The following CACHD1 variants were observed in gnomAD, a reference collection of about 807,000 sequenced individuals.
CACHD1 encodes VWFA and cache domain-containing protein 1.
A neutral mutation model predicts 138.7 loss-of-function variants in CACHD1; 71 were observed. The observed-to-expected ratio is 0.51, with a 90% CI of 0.42 to 0.62. The LOEUF is 0.62. Among genes scored for constraint, CACHD1 ranks in the 20% least tolerant of loss-of-function variants. The pLI is 0.00. For synonymous variants in CACHD1, 578 were observed against 591.5 expected (o/e 0.98, Z 0.33); for missense variants, 1,389 against 1,625.3 (o/e 0.85, Z 2.50).
intron 16 of CACHD1, 58 bp downstream of exon 16, chr1:64,666,225 A>G: frequency 8.5e-7 from 1 of 1,174,114 alleles, no homozygotes; most frequent in Non-Finnish European, 1.2e-6. Context: ...TATTTTGGAA[A>G]TCTGAATAGA....
At chr1:64,579,898 T>A (rs554943377) in intron 2 of CACHD1, 2 of 136,104 alleles carry the variant, frequency 1.5e-5, no homozygotes, top group Non-Finnish European at 3.2e-5. Flanking sequence ...GTGCTTGTAG[T>A]CTCATGAGAT....
intron 8 of CACHD1, among the ~76,000 whole-genome samples, chr1:64,643,173 C>T (rs1394160108): frequency 6.6e-6 from 1 of 150,614 alleles, no homozygotes; most frequent in Non-Finnish European, 1.5e-5. Flanking sequence ...GACAGTGGGC[C>T]TCATATTCTG....
At chr1:64,600,172 A>G (rs1032875389) in intron 3 of CACHD1, among the ~76,000 whole-genome samples, 3 of 152,104 alleles carry the variant, frequency 2.0e-5, no homozygotes, top group African/African-American at 7.2e-5. Context: ...GAACTACCCT[A>G]TTCTCTTCAT....
rs11208502 is a variant in CACHD1 at position 64,685,977 on chromosome 1, G to A, written c.3586+3871G>A. 4.0e-3 allele frequency among the ~76,000 whole-genome samples: 609 copies of A among 152,244 alleles called. 5 individuals carry two copies. Among genetic ancestry groups the A allele is most frequent in the African/African-American group, 0.013 (552 of 41,544 alleles). On this transcript the variant is annotated intron_variant, in intron 26 of 26. Transcript: ENST00000651257. ...CCACCCTGCCCTGAAGAAATTTACA[G>A]TCTAGGAGGAAGCTATAAATGAATG... is the stretch of plus-strand genomic sequence containing the variant.
intron 8 of CACHD1, among the ~76,000 whole-genome samples, chr1:64,647,428 T>C (rs1002178604): frequency 2.0e-5 from 3 of 152,256 alleles, no homozygotes; most frequent in Non-Finnish European, 2.9e-5. Flanking sequence ...CTACATTAAA[T>C]TAAATGCAGA....
At chr1:64,524,598 C>T (rs1034327171) in intron 1 of CACHD1, among the ~76,000 whole-genome samples, 6 of 152,194 alleles carry the variant, frequency 3.9e-5, no homozygotes, top group African/African-American at 1.4e-4. Flanking sequence ...ATCTACCTCA[C>T]TGAATTTGCG....
chr1:64,686,409 G>A (rs997175911), intron 26 of CACHD1, among the ~76,000 whole-genome samples: 6 of 151,890 alleles, frequency 4.0e-5, no homozygotes, highest in Admixed American at 2.0e-4. Context: ...ACAGAATTTC[G>A]TTTTTCAAAA....
chr1:64,594,202 T>A (rs1416083733), intron 3 of CACHD1, among the ~76,000 whole-genome samples: 1 of 148,380 alleles, frequency 6.7e-6, no homozygotes. Flanking sequence ...TGCAGTGAGC[T>A]GAGATCGTGC....
chr1:64,644,337 A>C (rs575839515), intron 8 of CACHD1, among the ~76,000 whole-genome samples: 1 of 152,374 alleles, frequency 6.6e-6, no homozygotes, highest in South Asian at 2.1e-4. Flanking sequence ...GAGCTGTATT[A>C]TACAAAGTTC....
intron 9 of CACHD1, among the ~76,000 whole-genome samples, chr1:64,648,725 A>G (rs1179124439): frequency 6.6e-6 from 1 of 152,222 alleles, no homozygotes; most frequent in Non-Finnish European, 1.5e-5. Flanking sequence ...TAAGTTACCC[A>G]TAACAGGATG....
chr1:64,629,181 T>C (rs966171905), intron 4 of CACHD1, among the ~76,000 whole-genome samples, 174 bp from the exon 5 acceptor site: 15 of 152,248 alleles, frequency 9.9e-5, no homozygotes, highest in African/African-American at 3.4e-4. Context: ...TTTTCTGTTC[T>C]TGGGGTGTTT....
intron 26 of CACHD1, among the ~76,000 whole-genome samples, chr1:64,684,553 TTTTAAAAG>T (rs574351220): frequency 3.3e-5 from 5 of 152,196 alleles, no homozygotes; most frequent in African/African-American, 1.2e-4. Context: ...AGTCAAAAAG[TTTTAAAAG>T]TTTAAAAGTT....
In CACHD1 at chr1:64,555,327, A is replaced by T. The variant is rs189416789; in HGVS notation, c.261+4671A>T. 1.1e-3 allele frequency among the ~76,000 whole-genome samples: 169 copies of T among 152,090 alleles called. 1 individual carries two copies. Among genetic ancestry groups the T allele is most frequent in the African/African-American group, 4.0e-3 (164 of 41,514 alleles). Reference sequence around the variant, plus strand: ...TTAAAGAATTAACGTTTTAATTTTAACTCAGTTTTTTAAAAAATCGATCTT... The same window carrying T: ...TTAAAGAATTAACGTTTTAATTTTATCTCAGTTTTTTAAAAAATCGATCTT... On this transcript the variant is annotated intron_variant, in intron 2 of 26. Transcript: ENST00000651257.
rs151135115 is a variant in CACHD1, at chr1:64,598,262, G to A, written c.411-4544G>A. On this transcript the variant is annotated intron_variant, in intron 3 of 26. Coordinates refer to ENST00000651257, the MANE Select transcript of CACHD1 (RefSeq NM_020925.4). Reference sequence around the variant, plus strand: ...CCTATTGACACCTCCTTCTTTATCTGACCGGCACATCAGTGGTAGTGAGAA... The same window carrying A: ...CCTATTGACACCTCCTTCTTTATCTAACCGGCACATCAGTGGTAGTGAGAA... 7.5e-3 allele frequency among the ~76,000 whole-genome samples: 1,141 copies of A among 152,228 alleles called. 17 individuals carry two copies. The highest frequency in any genetic ancestry group is 0.026 in the African/African-American group (1,086 of 41,510).
intron 4 of CACHD1, among the ~76,000 whole-genome samples, chr1:64,606,106 AACACACACACAC>A (rs112089755): frequency 6.7e-6 from 1 of 148,842 alleles, no homozygotes; most frequent in East Asian, 2.0e-4. Context: ...AGGAGCTGTA[AACACACACACAC>A]ACACACACAC....
chr1:64,598,666 A>G (rs1425819802), intron 3 of CACHD1, among the ~76,000 whole-genome samples: 1 of 152,186 alleles, frequency 6.6e-6, no homozygotes, highest in African/African-American at 2.4e-5. Context: ...GATAGGGTTT[A>G]GTCAAATAGG....
chr1:64,558,104 A>G (rs1646812252), intron 2 of CACHD1, among the ~76,000 whole-genome samples: 1 of 152,048 alleles, frequency 6.6e-6, no homozygotes, highest in Admixed American at 6.6e-5. Context: ...GCCCTCTGCC[A>G]TTTTCTCTTA....
chr1:64,516,153 A>G (rs1302917013), intron 1 of CACHD1, among the ~76,000 whole-genome samples: 1 of 152,238 alleles, frequency 6.6e-6, no homozygotes, highest in Non-Finnish European at 1.5e-5. Flanking sequence ...GGACAAAGTA[A>G]CATGGGTTCT....
At chr1:64,509,090 A>G (rs1646399172) in intron 1 of CACHD1, among the ~76,000 whole-genome samples, 1 of 152,220 alleles carries the variant, frequency 6.6e-6, no homozygotes, top group Non-Finnish European at 1.5e-5. Context: ...TGAAAATTTA[A>G]TGAAGTTCAT....
Sources: allele counts gnomAD v4.1 joint callset (sites outside exome capture counted in the v4.1 genomes callset), GRCh38; gene constraint gnomAD v4.1.1; transcripts MANE v1.5; gene names NCBI Gene and HGNC (gene_info 2026-07-23, HGNC 2026-07-21).